ZNF721: variants seen among roughly 807,000 people sequenced by gnomAD.
ZNF721 encodes the protein zinc finger protein 721.
Under a neutral mutation model 2.4 loss-of-function variants are expected in ZNF721, and 2 were observed. That is an observed-to-expected ratio of 0.82 (90% confidence interval 0.34 to 2.58). The LOEUF (loss-of-function observed/expected upper bound fraction) is 2.58. Ranked by LOEUF, ZNF721 falls within the 30% of genes most tolerant of loss-of-function variation. ZNF721 has a pLI of 0.11. For synonymous variants in ZNF721, 398 were observed against 381.8 expected, an observed-to-expected ratio of 1.04 and a Z score of -0.50; for missense variants, 1,187 against 1,085.5, an observed-to-expected ratio of 1.09 and a Z score of -1.31.
At chr4:454,587 T>G (rs1259615855) in intron 2 of ZNF721, among the ~76,000 whole-genome samples, 2 of 152,252 alleles carry the variant, frequency 1.3e-5, no homozygotes, top group African/African-American at 4.8e-5. Flanking sequence ...TTATTAACTC[T>G]GCTTTTAGTT....
At chr4:450,988 T>G (rs1316729340) in intron 2 of ZNF721, among the ~76,000 whole-genome samples, 1 of 76,938 alleles carries the variant, frequency 1.3e-5, no homozygotes, top group African/African-American at 4.5e-5. Flanking sequence ...TATATATATA[T>G]ATATATATCC....
rs782459424 is a variant in ZNF721, at chr4:444,117, G to A, written c.350C>T (p.Ser117Leu). 3.1e-6 allele frequency: 5 copies of A among 1,613,994 alleles called. No homozygotes were observed. In the African/African-American group the frequency reaches 4.0e-5, roughly 13 times the overall value. The change falls in exon 3 of 3, where the codon TCA becomes TTA. Residue 117 changes from serine to leucine, a missense_variant. Coordinates refer to ENST00000511833, the MANE Select transcript of ZNF721 (RefSeq NM_133474.4). The part of the protein sequence containing the change: ...KHFKCNECGK[S>L]FQKFSDLTQH... Reference sequence around the variant, plus strand: ...AGTTAGGTCTGAGAACTTCTGAAATGACTTGCCACATTCGTTACATTTAAA... The same window carrying A: ...AGTTAGGTCTGAGAACTTCTGAAATAACTTGCCACATTCGTTACATTTAAA...
In ZNF721 at chr4:447,451, CA is replaced by C. The variant is rs2084396031; in HGVS notation, c.35-3020del. ...AATAAGAAGTAAAGGTGTATCAGTA[CA>C]AAAATCAAAAAGACACTAAGGAAGA... On this transcript the variant is annotated intron_variant, in intron 2 of 2. Transcript: ENST00000511833. 4.6e-5 allele frequency among the ~76,000 whole-genome samples: 7 copies of C among 151,686 alleles called. No homozygotes were observed. In the South Asian group the frequency reaches 1.5e-3, roughly 32 times the overall value.
chr4:476,872 C>T (rs1553868735), intron 1 of ZNF721, among the ~76,000 whole-genome samples: 1 of 152,194 alleles, frequency 6.6e-6, no homozygotes, highest in African/African-American at 2.4e-5. Flanking sequence ...TCTGGGTTAA[C>T]AGCTTAGGGA....
At chr4:446,533 A>C (rs1553864195) in intron 2 of ZNF721, among the ~76,000 whole-genome samples, 1 of 151,516 alleles carries the variant, frequency 6.6e-6, no homozygotes, top group African/African-American at 2.4e-5. Context: ...GGTACACACC[A>C]CCATGCTCTT....
intron 1 of ZNF721, among the ~76,000 whole-genome samples, chr4:473,439 G>A (rs1405790672): frequency 6.6e-6 from 1 of 152,170 alleles, no homozygotes; most frequent in African/African-American, 2.4e-5. Context: ...CCACGCGGAG[G>A]AGGCGCACAG....
chr4:472,437 T>C (rs1384895642), intron 2 of ZNF721, 138 bp downstream of exon 2: 2 of 904,742 alleles, frequency 2.2e-6, no homozygotes, highest in Non-Finnish European at 3.3e-6. Flanking sequence ...AAGAATTTAC[T>C]ATACACATAT....
At chr4:496,614 G>A (rs1716158385) in intron 1 of ZNF721, among the ~76,000 whole-genome samples, 1 of 150,062 alleles carries the variant, frequency 6.7e-6, no homozygotes, top group East Asian at 2.0e-4. Context: ...TAAGGGAAAG[G>A]ACCAAAACAC....
In ZNF721 at chr4:443,971, T is replaced by G. The variant is rs569899886; in HGVS notation, c.496A>C (p.Lys166Gln). The change falls in exon 3 of 3, where the codon AAA becomes CAA. Residue 166 changes from lysine (K) to glutamine (Q), a missense_variant. Transcript: ENST00000511833. ...KKIHTGEKPY[K>Q]CEECGKAFNR... is the part of the protein sequence containing the mutation. ...AAGGCTTTGCCACATTCTTCACATT[T>G]GTAAGGTTTCTCTCCAGTATGAATT... 1.4e-5 allele frequency: 22 copies of G among 1,614,184 alleles called. No individual in the cohort carries two copies. In the South Asian group the frequency reaches 2.3e-4, roughly 17 times the overall value.
intron 2 of ZNF721, among the ~76,000 whole-genome samples, chr4:456,608 C>T (rs535097571): frequency 1.4e-4 from 21 of 152,276 alleles, no homozygotes; most frequent in African/African-American, 4.8e-4. Flanking sequence ...AGGCCAGGCA[C>T]AGTGGCTTAT....
chr4:470,550 C>T (rs1016828480), intron 2 of ZNF721, among the ~76,000 whole-genome samples: 1 of 152,062 alleles, frequency 6.6e-6, no homozygotes, highest in Non-Finnish European at 1.5e-5. Flanking sequence ...CCCATCTCTA[C>T]TAAAAATACA....
At chr4:491,079 GA>G (rs1716008760) in intron 1 of ZNF721, among the ~76,000 whole-genome samples, 1 of 152,104 alleles carries the variant, frequency 6.6e-6, no homozygotes, top group Non-Finnish European at 1.5e-5. Context: ...CCTTAAAAGA[GA>G]AGAAAAATAC....
At chr4:471,392 T>C (rs980256035) in intron 2 of ZNF721, among the ~76,000 whole-genome samples, 1 of 152,168 alleles carries the variant, frequency 6.6e-6, no homozygotes, top group Non-Finnish European at 1.5e-5. Flanking sequence ...AAAGAAAATC[T>C]AGTCTTTTAC....
chr4:477,445 A>G (rs1266764524), intron 1 of ZNF721, among the ~76,000 whole-genome samples: 2 of 151,776 alleles, frequency 1.3e-5, no homozygotes, highest in Non-Finnish European at 2.9e-5. Flanking sequence ...TCACCATGTT[A>G]GCCAGGATGG....
chr4:452,898 A>G (rs782683589), intron 2 of ZNF721, among the ~76,000 whole-genome samples: 2 of 152,232 alleles, frequency 1.3e-5, no homozygotes, highest in African/African-American at 2.4e-5. Context: ...GCATTATAAA[A>G]TGGAAATGGT....
chr4:441,554 T>C lies in ZNF721; in HGVS notation c.*141A>G, dbSNP rs1714235134. ...TTCACATTTTAGAGTTTCTCTTCAT[T>C]ATGAATTATCTTATGATTAGAAAGG... On this transcript the variant is annotated 3_prime_UTR_variant, in exon 3 of 3. Transcript: ENST00000511833. The C allele has an allele frequency of 1.4e-6, 1 of 702,388 alleles. No individual in the cohort carries two copies. Among genetic ancestry groups the C allele is most frequent in the African/African-American group, 1.8e-5 (1 of 56,092 alleles). 43.5% of individuals were successfully genotyped at this position (702,388 alleles called of 1,614,324 possible). A position where few individuals can be genotyped will look rare whatever the true frequency, so the allele number is the denominator to read the frequency against.
rs782775637 is a variant in ZNF721, at chr4:442,535, T to C, written c.1932A>G (p.Glu644=). ...ATGGGGCAAAGGCTTTGCCACACTC[T>C]TCACATTTGTAAGGTTTCTCCCCAG... is the stretch of plus-strand genomic sequence containing the variant. ...IYTGEKPYKC[E]ECGKAFAPST... Residue 644 remains glutamate (E), a synonymous_variant, in exon 3 of 3, where the codon GAA becomes GAG. Coordinates refer to ENST00000511833, the MANE Select transcript of ZNF721 (RefSeq NM_133474.4). 2 of 1,613,950 alleles carry C rather than the reference T, an allele frequency of 1.2e-6. No individual in the cohort carries two copies. The highest frequency in any genetic ancestry group is 1.7e-6 in the Non-Finnish European group (2 of 1,179,858).
At chr4:497,911 CA>C (rs200899977) in intron 1 of ZNF721, among the ~76,000 whole-genome samples, 6 of 128,880 alleles carry the variant, frequency 4.7e-5, no homozygotes, top group East Asian at 2.4e-4. Flanking sequence ...AACAAACCAA[CA>C]AAAAAAAAAC....
intron 1 of ZNF721, among the ~76,000 whole-genome samples, chr4:488,255 C>A (rs1297943089): frequency 6.6e-6 from 1 of 152,168 alleles, no homozygotes; most frequent in Non-Finnish European, 1.5e-5. Flanking sequence ...ATATCAAGGA[C>A]CTGGACAACT....
Sources: allele counts gnomAD v4.1 joint callset (sites outside exome capture counted in the v4.1 genomes callset), GRCh38; gene constraint gnomAD v4.1.1; transcripts MANE v1.5; gene names NCBI Gene and HGNC (gene_info 2026-07-23, HGNC 2026-07-21).